XPA: variants seen among roughly 807,000 people sequenced by gnomAD.
The protein encoded by XPA is DNA repair protein complementing XP-A cells.
XPA carries 27 observed loss-of-function variants against 35.7 expected under a neutral mutation model. That is an observed-to-expected ratio of 0.76 (90% CI 0.56 to 1.04). XPA has a LOEUF of 1.04. Ranked by LOEUF, XPA falls within the 50% of genes least tolerant of loss-of-function variation. The probability of loss-of-function intolerance (pLI) is 0.00; values close to 1 mark genes in which losing one functional copy is unlikely to be tolerated. For missense variants in XPA, 354 were observed against 342.7 expected, an observed-to-expected ratio of 1.03 and a Z score of -0.26; for synonymous variants, 133 against 118.4, an observed-to-expected ratio of 1.12 and a Z score of -0.80.
the XPA span, among the ~76,000 whole-genome samples, chr9:97,657,802 T>G: frequency 2.0e-5 from 3 of 151,754 alleles, no homozygotes; most frequent in Non-Finnish European, 4.4e-5. Context: ...AATTTATATT[T>G]CATTCGATGG....
the XPA span, among the ~76,000 whole-genome samples, chr9:97,666,519 G>C: frequency 6.6e-6 from 1 of 152,166 alleles, no homozygotes; most frequent in Non-Finnish European, 1.5e-5. Context: ...ATGGAAATAA[G>C]AAAAATGACT....
the XPA span, chr9:97,666,633 A>G: frequency 7.0e-6 from 4 of 575,340 alleles, no homozygotes; most frequent in South Asian, 7.3e-5. Context: ...TGCTGGAGAA[A>G]GATGACTAAT....
chr9:97,669,026 G>C, the XPA span: 1 of 1,494,222 alleles, frequency 6.7e-7, no homozygotes, highest in Non-Finnish European at 9.0e-7. Flanking sequence ...CATTTCTTTA[G>C]TTTTAGTTTT....
chr9:97,693,525 T>C lies in XPA; in HGVS notation c.283+124A>G, dbSNP rs976583504. 49 of 861,184 alleles carry C rather than the reference T, an allele frequency of 5.7e-5. No homozygotes were observed. The African/African-American group carries it at 8.0e-4, about 14-fold the overall frequency. 53.3% of individuals were successfully genotyped at this position (861,184 alleles called of 1,614,324 possible). ...CAAAACTGCCAAACTTTATCACTTT[T>C]ATAAAGATAATGTACTCACTGATTA... On this transcript the variant is annotated intron_variant, in intron 2 of 5. Transcript: ENST00000375128.
the XPA span, among the ~76,000 whole-genome samples, chr9:97,667,854 T>C: frequency 6.6e-6 from 1 of 152,226 alleles, no homozygotes; most frequent in African/African-American, 2.4e-5. Context: ...TATATAACAT[T>C]GGCCCCATTG....
At chr9:97,655,956 T>C in the XPA span, 1 of 1,498,428 alleles carries the variant, frequency 6.7e-7, no homozygotes, top group Non-Finnish European at 9.3e-7. Flanking sequence ...ATAGTACAAA[T>C]GGGTGTAAGT....
At chr9:97,671,410 A>G, downstream of XPA, 1 of 489,672 alleles carries the variant, frequency 2.0e-6, no homozygotes, top group Non-Finnish European at 3.7e-6. Flanking sequence ...TATGACCATG[A>G]TATATTATAT....
chr9:97,658,722 A>G, the XPA span: 1 of 1,608,952 alleles, frequency 6.2e-7, no homozygotes, highest in Non-Finnish European at 8.5e-7. Flanking sequence ...CTGCATTTAC[A>G]AGTATGGAGA....
chr9:97,671,878 C>T (rs2131374617), downstream of XPA: 1 of 152,332 alleles, frequency 6.6e-6, no homozygotes, highest in South Asian at 2.1e-4. Flanking sequence ...GGAACGCAGA[C>T]ATCCTCAGTA....
At position 97,687,153 on chromosome 9, in the gene XPA, CA is replaced by C; in HGVS notation, c.497del (p.Val166GlyfsTer13). On this transcript the variant is annotated frameshift_variant, in exon 4 of 6. Transcript: ENST00000375128. LOFTEE classifies it high-confidence loss of function. ...ATTGTGAATGATGTGGATTCTTCTTCACAATAAATTTAAGAGGTGGCTCTCT... is the reference window on the plus strand; with the variant it reads ...ATTGTGAATGATGTGGATTCTTCTTCCAATAAATTTAAGAGGTGGCTCTCT... ...EKREPPLKFI[V>X]KKNPHHSQWG... 1 of 1,612,772 alleles carries C rather than the reference CA, an allele frequency of 6.2e-7. No individual in the cohort carries two copies.
At chr9:97,663,929 A>G in the XPA span, among the ~76,000 whole-genome samples, 384 of 151,936 alleles carry the variant, frequency 2.5e-3, 3 homozygotes, top group South Asian at 4.2e-3. Context: ...CTGTAATCCT[A>G]GCACTTTGGG....
chr9:97,667,143 C>A, the XPA span, among the ~76,000 whole-genome samples: 1 of 152,144 alleles, frequency 6.6e-6, no homozygotes, highest in Non-Finnish European at 1.5e-5. Context: ...GGGTCGGCCT[C>A]ACGTTTGCAC....
chr9:97,668,855 G>C, the XPA span: 1 of 1,611,096 alleles, frequency 6.2e-7, no homozygotes, highest in Non-Finnish European at 8.5e-7. Context: ...GCGAAGTGAT[G>C]ATGACGACAG....
At chr9:97,655,741 G>T in the XPA span, 1 of 1,612,838 alleles carries the variant, frequency 6.2e-7, no homozygotes, top group Non-Finnish European at 8.5e-7. Context: ...GTAACTTCCA[G>T]TTCCGTTGGA....
intron 3 of XPA, among the ~76,000 whole-genome samples, chr9:97,689,252 TAAA>T (rs900531169): frequency 6.6e-6 from 1 of 151,240 alleles, no homozygotes; most frequent in African/African-American, 2.4e-5. Flanking sequence ...TGAGAGACGT[TAAA>T]AAACAAAAAC....
chr9:97,685,702 T>A (rs375756796), intron 4 of XPA, among the ~76,000 whole-genome samples: 6 of 152,266 alleles, frequency 3.9e-5, no homozygotes, highest in African/African-American at 1.4e-4. Context: ...ATAGCCAAAC[T>A]CAAATTTAAC....
the XPA span, among the ~76,000 whole-genome samples, chr9:97,668,512 A>G: frequency 6.6e-6 from 1 of 152,308 alleles, no homozygotes; most frequent in Non-Finnish European, 1.5e-5. Context: ...TAGCAGATGA[A>G]TGATTAGCAA....
At chr9:97,665,336 A>C in the XPA span, among the ~76,000 whole-genome samples, 14 of 152,350 alleles carry the variant, frequency 9.2e-5, no homozygotes, top group South Asian at 1.9e-3. Flanking sequence ...TTACGTTTTC[A>C]ATTCATTTTA....
the XPA span, chr9:97,655,950 T>C: frequency 6.7e-7 from 1 of 1,486,370 alleles, no homozygotes; most frequent in Admixed American, 1.8e-5. Flanking sequence ...ATAATTATAG[T>C]ACAAATGGGT....
Sources: gnomAD v4.1 joint callset for allele counts (sites outside exome capture counted in the v4.1 genomes callset) on GRCh38, gnomAD v4.1.1 for gene constraint, MANE v1.5 for transcripts, NCBI Gene and HGNC (gene_info 2026-07-23, HGNC 2026-07-21) for gene names.